The following PTPN11 variants were observed in gnomAD, a reference collection of about 807,000 sequenced individuals.
PTPN11 encodes tyrosine-protein phosphatase non-receptor type 11.
In PTPN11, 6 loss-of-function variants were observed where a neutral mutation model predicts 78.8. That is an observed-to-expected ratio of 0.08 (90% confidence interval 0.04 to 0.15). The LOEUF is 0.15. Among genes scored for constraint, PTPN11 ranks in the 10% least tolerant of loss-of-function variants. The pLI, the probability that PTPN11 is intolerant of heterozygous loss-of-function variation, is 1.00. For missense variants in PTPN11, 386 were observed against 744.8 expected (o/e 0.52, Z 5.61); for synonymous variants, 221 against 263.5 (o/e 0.84, Z 1.56).
intron 2 of PTPN11, among the ~76,000 whole-genome samples, chr12:112,448,955 C>T (rs927354234): frequency 2.7e-5 from 4 of 150,888 alleles, no homozygotes; most frequent in African/African-American, 9.7e-5. Context: ...GGTGAGATCT[C>T]GGCCGACTGC....
intron 1 of PTPN11, among the ~76,000 whole-genome samples, chr12:112,445,788 T>C (rs2037984490): frequency 6.6e-6 from 1 of 151,982 alleles, no homozygotes. Context: ...ATTACAGGCA[T>C]GCACCACCAT....
intron 6 of PTPN11, among the ~76,000 whole-genome samples, chr12:112,456,453 G>A (rs1274388338): frequency 7.0e-6 from 1 of 143,478 alleles, no homozygotes; most frequent in Non-Finnish European, 1.5e-5. Flanking sequence ...AACACCTTGT[G>A]GTGGCTTTTT....
intron 6 of PTPN11, among the ~76,000 whole-genome samples, chr12:112,460,537 A>T (rs1260724738): frequency 6.6e-6 from 1 of 152,162 alleles, no homozygotes; most frequent in African/African-American, 2.4e-5. Context: ...TAAGTCTCAT[A>T]ATATTTCTGT....
intron 6 of PTPN11, among the ~76,000 whole-genome samples, chr12:112,466,351 G>A (rs1375853620): frequency 6.6e-6 from 1 of 152,096 alleles, no homozygotes; most frequent in Non-Finnish European, 1.5e-5. Flanking sequence ...TTACCTTGTT[G>A]CACAATCTGC....
intron 1 of PTPN11, among the ~76,000 whole-genome samples, chr12:112,436,687 G>A (rs2037796744): frequency 6.6e-6 from 1 of 150,840 alleles, no homozygotes; most frequent in African/African-American, 2.4e-5. Context: ...GCATTTCATT[G>A]CTTTTATAAT....
intron 13 of PTPN11, among the ~76,000 whole-genome samples, chr12:112,500,008 C>CCGAGG (rs1331299670): frequency 6.6e-6 from 1 of 151,318 alleles, no homozygotes; most frequent in Non-Finnish European, 1.5e-5. Context: ...CTTTGGGAGG[C>CCGAGG]CGAGGCGGGT....
At position 112,453,210 on chromosome 12, in the gene PTPN11, T is replaced by A. The variant is rs1482410266; in HGVS notation, c.348T>A (p.His116Gln). Residue 116 changes from histidine to glutamine, a missense_variant, in exon 4 of 16, where the codon CAT becomes CAA. Around this residue, in one of 3 missense-constraint regions of PTPN11, gnomAD observed 279 missense variants for 503.3 expected, o/e 0.55. Transcript: ENST00000351677. ...DPTSERWFHG[H>Q]LSGKEAEKLL... The stretch of plus-strand genomic sequence containing the variant: ...AAAACTTTAGGTGGTTTCATGGACA[T>A]CTCTCTGGGAAAGAAGCAGAGAAAT... The A allele has an allele frequency of 1.9e-6, 3 of 1,612,274 alleles. No individual in the cohort carries two copies. The highest frequency in any genetic ancestry group is 2.2e-5 in the East Asian group (1 of 44,884).
chr12:112,508,199 T>C lies in PTPN11; in HGVS notation c.*2407T>C, dbSNP rs1411095371. 1.3e-5 allele frequency: 2 copies of C among 152,632 alleles called. No individual in the cohort carries two copies. Among genetic ancestry groups the C allele is most frequent in the Non-Finnish European group, 1.5e-5 (1 of 68,038 alleles). 9.5% of individuals were successfully genotyped at this position (152,632 alleles called of 1,614,324 possible). A position where few individuals can be genotyped will look rare whatever the true frequency, so the allele number is the denominator to read the frequency against. ...TCTTGGCTAGTTTTGTTATAAGATA[T>C]TGATTTCATTTAGATTTCCCTCCAC... is the stretch of plus-strand genomic sequence containing the variant. On this transcript the variant is annotated 3_prime_UTR_variant, in exon 16 of 16. Transcript: ENST00000351677.
At chr12:112,430,430 T>A (rs534535451) in intron 1 of PTPN11, among the ~76,000 whole-genome samples, 6 of 152,254 alleles carry the variant, frequency 3.9e-5, no homozygotes, top group Non-Finnish European at 8.8e-5. Flanking sequence ...TTGTTGTTGT[T>A]GTTTTGTTTT....
intron 1 of PTPN11, 97 bp downstream of exon 1, chr12:112,419,222 G>T (rs2037477387): frequency 7.9e-7 from 1 of 1,267,442 alleles, no homozygotes. Context: ...CGGGCTTCGG[G>T]CTCCCGCCCC....
At chr12:112,468,420 G>A (rs2038362992) in intron 6 of PTPN11, among the ~76,000 whole-genome samples, 1 of 152,204 alleles carries the variant, frequency 6.6e-6, no homozygotes, top group Non-Finnish European at 1.5e-5. Context: ...TGTGGGCAGA[G>A]CATGGAAAGT....
At chr12:112,447,460 C>A (rs2038010861) in intron 2 of PTPN11, among the ~76,000 whole-genome samples, 1 of 151,778 alleles carries the variant, frequency 6.6e-6, no homozygotes, top group South Asian at 2.1e-4. Context: ...CATTTTGCAA[C>A]TTAAAAATTT....
In PTPN11 at chr12:112,489,186, G is replaced by C; in HGVS notation, c.1599+11G>C. 6.2e-7 allele frequency: 1 copy of C among 1,614,092 alleles called. No individual in the cohort carries two copies. The highest frequency in any genetic ancestry group is 8.5e-7 in the Non-Finnish European group (1 of 1,179,944). On this transcript the variant is annotated intron_variant, in intron 13 of 15. Coordinates refer to ENST00000351677, the MANE Select transcript of PTPN11 (RefSeq NM_002834.5). The stretch of plus-strand genomic sequence containing the variant: ...ATTGAAGAAGAGCAGGTACCAGCCT[G>C]AGGGCTGGCATGCGGATTCTCATTC...
rs1019770982 is a variant in PTPN11, at chr12:112,418,979, C to G, written c.-133C>G. On this transcript the variant is annotated 5_prime_UTR_variant, in exon 1 of 16. Transcript: ENST00000351677. Reference sequence around the variant, plus strand: ...GGGATCCCCAGGCCTGGAGGGGGGTCTGTGCGCGGCCGGCTGGCTCTGCCC... The same window carrying G: ...GGGATCCCCAGGCCTGGAGGGGGGTGTGTGCGCGGCCGGCTGGCTCTGCCC... The G allele has an allele frequency of 1.1e-5, 12 of 1,122,358 alleles. No homozygotes were observed. The African/African-American group carries it at 1.1e-4, about 11-fold the overall frequency. 69.5% of individuals were successfully genotyped at this position (1,122,358 alleles called of 1,614,324 possible). A position where few individuals can be genotyped will look rare whatever the true frequency, so the allele number is the denominator to read the frequency against.
At chr12:112,467,022 T>C (rs1455220270) in intron 6 of PTPN11, among the ~76,000 whole-genome samples, 1 of 152,122 alleles carries the variant, frequency 6.6e-6, no homozygotes, top group Non-Finnish European at 1.5e-5. Flanking sequence ...TTGCAGTCAC[T>C]GGGCTGCTGC....
At chr12:112,439,869 A>G (rs1303723971) in intron 1 of PTPN11, among the ~76,000 whole-genome samples, 1 of 151,822 alleles carries the variant, frequency 6.6e-6, no homozygotes, top group Admixed American at 6.6e-5. Flanking sequence ...TGTGTTATAT[A>G]ATAATTAGTT....
chr12:112,466,623 A>T (rs1488233907), intron 6 of PTPN11, among the ~76,000 whole-genome samples: 1 of 152,232 alleles, frequency 6.6e-6, no homozygotes, highest in Admixed American at 6.5e-5. Context: ...AAGTGCTAGG[A>T]TTACAGGTGT....
intron 12 of PTPN11, 38 bp from the exon 13 acceptor site, chr12:112,488,986 G>T: frequency 6.2e-7 from 1 of 1,611,620 alleles, no homozygotes; most frequent in Non-Finnish European, 8.5e-7. Context: ...TCCTGGCTCT[G>T]CAGTTTCTCT....
chr12:112,468,768 A>T (rs1378037580), intron 6 of PTPN11, among the ~76,000 whole-genome samples: 1 of 152,186 alleles, frequency 6.6e-6, no homozygotes, highest in Non-Finnish European at 1.5e-5. Flanking sequence ...TTACTGCAGG[A>T]TAAGGAAAGC....
Sources: allele counts gnomAD v4.1 joint callset (sites outside exome capture counted in the v4.1 genomes callset), GRCh38; gene constraint gnomAD v4.1.1; regional missense constraint gnomAD v4.1.1; transcripts MANE v1.5; gene names NCBI Gene and HGNC (gene_info 2026-07-23, HGNC 2026-07-21).